Variants in RTF1 observed in about 807,000 individuals in gnomAD.
The protein encoded by RTF1 is RTF1 homolog, Paf1/RNA polymerase II complex component, also known as RNA polymerase-associated protein RTF1 homolog.
Under a neutral mutation model 95.7 loss-of-function variants are expected in RTF1, and 10 were observed. The ratio of observed to expected loss-of-function variants is 0.10; its 90% confidence interval spans 0.06 to 0.18. The LOEUF is 0.18. RTF1 is among the 10% of genes least tolerant of loss of function. RTF1 has a pLI of 1.00. For synonymous variants in RTF1, 305 were observed against 311.8 expected (o/e 0.98, Z 0.23); for missense variants, 458 against 875.6 (o/e 0.52, Z 6.02).
chr15:41,460,671 A>G (rs1376958812), intron 4 of RTF1, among the ~76,000 whole-genome samples: 2 of 151,874 alleles, frequency 1.3e-5, no homozygotes, highest in East Asian at 3.9e-4. Flanking sequence ...GAGACAGTTG[A>G]CTGATTCAGT....
At chr15:41,441,192 C>G (rs987306476) in intron 2 of RTF1, among the ~76,000 whole-genome samples, 2 of 151,910 alleles carry the variant, frequency 1.3e-5, no homozygotes, top group African/African-American at 4.8e-5. Flanking sequence ...AGGATGGTCT[C>G]TATCTCCTGA....
chr15:41,435,499 A>G (rs1345505193), intron 1 of RTF1, among the ~76,000 whole-genome samples: 9 of 152,136 alleles, frequency 5.9e-5, no homozygotes, highest in Non-Finnish European at 1.3e-4. Flanking sequence ...AAACGACTGT[A>G]AACACACAAG....
At chr15:41,460,850 A>G (rs1595435820) in intron 4 of RTF1, among the ~76,000 whole-genome samples, 1 of 148,294 alleles carries the variant, frequency 6.7e-6, no homozygotes, top group Non-Finnish European at 1.5e-5. Context: ...GTAGGCTACC[A>G]TGCCTGGCTA....
intron 1 of RTF1, among the ~76,000 whole-genome samples, chr15:41,432,974 C>T (rs184528951): frequency 1.2e-4 from 18 of 149,168 alleles, no homozygotes; most frequent in Non-Finnish European, 2.5e-4. Flanking sequence ...ATACTGAGGT[C>T]GGCTGCGGTG....
chr15:41,479,313 C>T, intron 16 of RTF1, 115 bp downstream of exon 16: 1 of 646,516 alleles, frequency 1.5e-6, no homozygotes, highest in Middle Eastern at 4.2e-4. Context: ...GGGAGTCCCT[C>T]TTGGAGTCCC....
chr15:41,464,500 A>G lies in RTF1; in HGVS notation c.663-271A>G, dbSNP rs1449396123. Among the ~76,000 whole-genome samples, 3 of 152,010 alleles carry G rather than the reference A, an allele frequency of 2.0e-5. 1 individual carries two copies. The South Asian group carries it at 6.2e-4, about 31-fold the overall frequency. Reference sequence around the variant, plus strand: ...TTGATCCCCCCGCCTCGGCCTCCCAAAATGCTGGGATTACAGGTGTGAGCC... The same window carrying G: ...TTGATCCCCCCGCCTCGGCCTCCCAGAATGCTGGGATTACAGGTGTGAGCC... On this transcript the variant is annotated intron_variant, in intron 4 of 17. Transcript: ENST00000389629.
intron 1 of RTF1, among the ~76,000 whole-genome samples, chr15:41,423,590 A>G (rs1595422225): frequency 6.6e-6 from 1 of 151,584 alleles, no homozygotes; most frequent in African/African-American, 2.4e-5. Flanking sequence ...TCTGGTCTCA[A>G]ACTCCCGACC....
At chr15:41,424,816 C>G (rs1186447441) in intron 1 of RTF1, among the ~76,000 whole-genome samples, 1 of 152,042 alleles carries the variant, frequency 6.6e-6, no homozygotes, top group African/African-American at 2.4e-5. Flanking sequence ...TTCGACCAGG[C>G]GGGCCAACAT....
chr15:41,429,613 C>T (rs114752109), intron 1 of RTF1, among the ~76,000 whole-genome samples: 201 of 152,182 alleles, frequency 1.3e-3, no homozygotes, highest in African/African-American at 4.5e-3. Context: ...ACTAACCCAC[C>T]GCATTCAATT....
intron 1 of RTF1, among the ~76,000 whole-genome samples, chr15:41,435,934 C>T (rs577354213): frequency 2.0e-5 from 3 of 152,094 alleles, no homozygotes; most frequent in African/African-American, 4.8e-5. Context: ...TTCTGTCTGC[C>T]GAGGTTTGAA....
intron 1 of RTF1, among the ~76,000 whole-genome samples, chr15:41,433,349 T>C (rs148362297): frequency 1.3e-5 from 2 of 152,290 alleles, no homozygotes; most frequent in Admixed American, 6.5e-5. Flanking sequence ...TTTTTTGCCT[T>C]TTTGAGACAG....
At position 41,475,543 on chromosome 15, in the gene RTF1, C is replaced by T. The variant is rs767136401; in HGVS notation, c.1305C>T (p.Arg435=). The stretch of plus-strand genomic sequence containing the variant: ...TATGTAGGCATGGCAATGACCAACG[C>T]GTGTTCCGTTTAGAGTTTGTCTCAA... ...GLQLRHGNDQ[R]VFRLEFVSNQ... Residue 435 remains arginine, a synonymous_variant, in exon 10 of 18, where the codon CGC becomes CGT. Transcript: ENST00000389629. The T allele has an allele frequency of 7.4e-6, 12 of 1,614,020 alleles. No homozygotes were observed. In the East Asian group the frequency reaches 1.3e-4, roughly 18 times the overall value.
At chr15:41,421,717 T>TG (rs1162091021) in intron 1 of RTF1, among the ~76,000 whole-genome samples, 1 of 151,498 alleles carries the variant, frequency 6.6e-6, no homozygotes, top group Non-Finnish European at 1.5e-5. Flanking sequence ...TTCTTTTTTT[T>TG]TTTTTTTTTA....
chr15:41,477,712 C>G lies in RTF1; in HGVS notation c.1740+197C>G, dbSNP rs1595441478. The G allele has an allele frequency of 8.5e-6, 5 of 590,820 alleles. No homozygotes were observed. The East Asian group carries it at 1.4e-4, about 17-fold the overall frequency. The allele number at this position is 590,820 out of a possible 1,614,324, so 36.6% of individuals were successfully genotyped here. On this transcript the variant is annotated intron_variant, in intron 14 of 17. Coordinates refer to ENST00000389629, the MANE Select transcript of RTF1 (RefSeq NM_015138.5). ...AGCAGCAGTCTTCTGCCCTGTCCTA[C>G]CTCTTCCCACCCTTAGATTCTACTC...
chr15:41,417,225 G>C lies in RTF1; in HGVS notation c.110G>C (p.Arg37Pro), dbSNP rs770851028. The change falls in exon 1 of 18, where the codon CGG (arginine) becomes CCG (proline). Residue 37 changes from arginine to proline, a missense_variant. Physicochemically the swap from Arg to Pro is moderately radical, Grantham distance 103. This residue lies in a region of RTF1 where 81 missense variants were observed against 59.9 expected (regional missense o/e 1.35). Transcript: ENST00000389629. Reference protein sequence around the residue: ...GSPGGGRRGSRGTTMVKKRKG... With the variant: ...GSPGGGRRGSPGTTMVKKRKG... ...CCGGGCGGCGGCCGGCGTGGGAGCC[G>C]GGGGACCACCATGGTAAAGAAGCGG... 6.4e-6 allele frequency: 8 copies of C among 1,259,752 alleles called. No homozygotes were observed. The Admixed American group carries it at 2.5e-4, about 40-fold the overall frequency. 78.0% of individuals were successfully genotyped at this position (1,259,752 alleles called of 1,614,324 possible). A position where few individuals can be genotyped will look rare whatever the true frequency, so the allele number is the denominator to read the frequency against.
intron 7 of RTF1, among the ~76,000 whole-genome samples, chr15:41,470,858 C>T (rs981414759): frequency 2.6e-5 from 4 of 151,874 alleles, no homozygotes. Context: ...CAGGGTTTCA[C>T]TGTTTTAGCC....
intron 14 of RTF1, among the ~76,000 whole-genome samples, chr15:41,477,967 ATGG>A (rs1480105738): frequency 1.3e-5 from 2 of 151,312 alleles, no homozygotes; most frequent in African/African-American, 4.9e-5. Flanking sequence ...TGAGCCGGAC[ATGG>A]TGGTGCACGC....
rs1482369677 is a variant in RTF1 at position 41,480,646 on chromosome 15, C to T, written c.2092C>T (p.Leu698=). ...CAAGGATGGGGCTCCAAGGAGATCT[C>T]TGAACTTGGAAGACTACAAAAAACG... ...PAKDGAPRRS[L]NLEDYKKRRG... The change falls in exon 18 of 18, where the codon CTG becomes TTG. Residue 698 remains leucine (L), a synonymous_variant. Transcript: ENST00000389629. The T allele has an allele frequency of 6.2e-7, 1 of 1,613,962 alleles. No individual in the cohort carries two copies. The highest frequency in any genetic ancestry group is 2.2e-5 in the East Asian group (1 of 44,882).
At chr15:41,446,517 G>C (rs2050763681) in intron 2 of RTF1, among the ~76,000 whole-genome samples, 1 of 151,836 alleles carries the variant, frequency 6.6e-6, no homozygotes, top group Non-Finnish European at 1.5e-5. Context: ...AGTGAGCCGA[G>C]ATTGTGCCAC....
Sources: allele counts gnomAD v4.1 joint callset (sites outside exome capture counted in the v4.1 genomes callset), GRCh38; gene constraint gnomAD v4.1.1; regional missense constraint gnomAD v4.1.1; transcripts MANE v1.5; gene names NCBI Gene and HGNC (gene_info 2026-07-23, HGNC 2026-07-21).